Variants in MRC1 observed in about 807,000 individuals in gnomAD.
MRC1 encodes macrophage mannose receptor 1.
Under a neutral mutation model 102.9 loss-of-function variants are expected in MRC1, and 62 were observed. That is an observed-to-expected ratio of 0.60 (90% CI 0.49 to 0.74). The LOEUF is 0.74. MRC1 is among the 30% of genes least tolerant of loss of function. MRC1 has a pLI of 0.00. For synonymous variants in MRC1, 457 were observed against 298.4 expected (o/e 1.53, Z -5.48); for missense variants, 1,237 against 862.8 (o/e 1.43, Z -5.43).
intron 1 of MRC1, among the ~76,000 whole-genome samples, chr10:17,819,318 G>A (rs1838360396): frequency 6.6e-6 from 1 of 152,150 alleles, no homozygotes; most frequent in Non-Finnish European, 1.5e-5. Flanking sequence ...GGGAGATCAG[G>A]TGTTATCTTT....
intron 1 of MRC1, among the ~76,000 whole-genome samples, chr10:17,817,073 C>T (rs1247630447): frequency 6.6e-6 from 1 of 151,924 alleles, no homozygotes; most frequent in African/African-American, 2.4e-5. Context: ...CATGGTGAAA[C>T]CTCATCTCTA....
intron 5 of MRC1, among the ~76,000 whole-genome samples, chr10:17,841,840 C>T (rs923208271): frequency 6.6e-6 from 1 of 151,008 alleles, no homozygotes; most frequent in South Asian, 2.1e-4. Flanking sequence ...CACATCTTAT[C>T]AAATCTCCTA....
chr10:17,877,756 A>T, intron 17 of MRC1, 144 bp from the exon 18 acceptor site: 1 of 713,846 alleles, frequency 1.4e-6, no homozygotes. Context: ...GGAAGAACAT[A>T]ATATAGAATG....
chr10:17,889,373 T>C (rs1274422148), intron 22 of MRC1, among the ~76,000 whole-genome samples: 1 of 152,218 alleles, frequency 6.6e-6, no homozygotes, highest in African/African-American at 2.4e-5. Flanking sequence ...TATGATTTTA[T>C]TTGTTCTCCA....
At chr10:17,837,399 T>G (rs1385361415) in intron 4 of MRC1, among the ~76,000 whole-genome samples, 2 of 152,184 alleles carry the variant, frequency 1.3e-5, no homozygotes, top group African/African-American at 2.4e-5. Context: ...CCCTCCCCAC[T>G]GTTTATTTGA....
rs956946067 is a variant in MRC1 at position 17,826,132 on chromosome 10, C to T, written c.464-1410C>T. Among the ~76,000 whole-genome samples the T allele has an allele frequency of 1.2e-4, 19 of 152,188 alleles. No homozygotes were observed. The East Asian group carries it at 2.9e-3, about 23-fold the overall frequency. ...CTCACATTATTGTGCTCTTACTATG[C>T]GCTACATGTTTTACAAGCTTTATAT... On this transcript the variant is annotated intron_variant, in intron 2 of 29. Coordinates refer to ENST00000569591, the MANE Select transcript of MRC1 (RefSeq NM_002438.4).
intron 24 of MRC1, among the ~76,000 whole-genome samples, chr10:17,899,935 C>T (rs1402166580): frequency 6.6e-6 from 1 of 151,596 alleles, no homozygotes. Flanking sequence ...CCCGTCTCTA[C>T]TAAAAAATAC....
chr10:17,894,185 T>C, intron 22 of MRC1, 25 bp from the exon 23 acceptor site: 1 of 870,512 alleles, frequency 1.1e-6, no homozygotes, highest in East Asian at 2.4e-5. Context: ...GATTGTTTTC[T>C]TTTTCTTTCT....
intron 26 of MRC1, among the ~76,000 whole-genome samples, chr10:17,903,382 C>CTTTTTT (rs1210207060): frequency 1.6e-5 from 2 of 125,048 alleles, no homozygotes; most frequent in Non-Finnish European, 3.3e-5. Context: ...TTTTTCTTTT[C>CTTTTTT]TTTTTTTTTC....
chr10:17,892,754 G>A (rs782207697), intron 22 of MRC1, among the ~76,000 whole-genome samples: 767 of 152,314 alleles, frequency 5.0e-3, no homozygotes, highest in Non-Finnish European at 8.4e-3. Flanking sequence ...GCTCATGCCT[G>A]TAATCCCAGC....
At chr10:17,890,217 A>AT (rs1386141756) in intron 22 of MRC1, among the ~76,000 whole-genome samples, 11 of 150,098 alleles carry the variant, frequency 7.3e-5, no homozygotes, top group South Asian at 2.1e-4. Context: ...TAGAGATAAG[A>AT]TTTTTTTTTT....
chr10:17,826,660 G>C (rs1838480601), intron 2 of MRC1, among the ~76,000 whole-genome samples: 1 of 152,212 alleles, frequency 6.6e-6, no homozygotes, highest in African/African-American at 2.4e-5. Context: ...TATGTGCATT[G>C]TTTGGTTCTT....
intron 1 of MRC1, among the ~76,000 whole-genome samples, chr10:17,811,712 G>T (rs2130566664): frequency 6.6e-6 from 1 of 151,790 alleles, no homozygotes; most frequent in South Asian, 2.1e-4. Context: ...TGGGACTTTG[G>T]GCTTGAGCCA....
At chr10:17,878,921 G>A (rs1289315515) in intron 18 of MRC1, among the ~76,000 whole-genome samples, 1 of 152,142 alleles carries the variant, frequency 6.6e-6, no homozygotes, top group Non-Finnish European at 1.5e-5. Context: ...CAAATTTCAT[G>A]ATCTCATGGC....
At chr10:17,886,680 G>T (rs1833601438) in intron 22 of MRC1, among the ~76,000 whole-genome samples, 1 of 152,132 alleles carries the variant, frequency 6.6e-6, no homozygotes, top group Non-Finnish European at 1.5e-5. Context: ...GGGATTACAG[G>T]CATGAGCCAC....
rs2477664 is a variant in MRC1 at position 17,833,817 on chromosome 10, T to A, written c.780T>A (p.Ile260=). ...CTGAGCTCCTGAGCATCACAGAGAT[T>A]CATGAGCAAACATACCTGACAGGTA... is the stretch of plus-strand genomic sequence containing the variant. The part of the protein sequence containing the change: ...QNAELLSITE[I]HEQTYLTGLT... The change falls in exon 4 of 30, where the codon ATT becomes ATA. Residue 260 remains isoleucine (I), a synonymous_variant. Transcript: ENST00000569591. 385,893 of 780,750 alleles carry A rather than the reference T, an allele frequency of 0.49. 97,037 individuals carry two copies. The highest frequency in any genetic ancestry group is 0.54 in the Non-Finnish European group (224,135 of 418,080). The allele number at this position is 780,750 out of a possible 1,614,324, so 48.4% of individuals were successfully genotyped here. A position where few individuals can be genotyped will look rare whatever the true frequency, so the allele number is the denominator to read the frequency against.
intron 4 of MRC1, among the ~76,000 whole-genome samples, chr10:17,837,058 C>T (rs1440095824): frequency 6.6e-6 from 1 of 152,102 alleles, no homozygotes. Flanking sequence ...AGCGGCTTTG[C>T]CCAAGCACAG....
Position 17,833,768 on chromosome 10 carries a change from G to A in MRC1, c.731G>A (p.Arg244Lys), listed in dbSNP as rs781946128. 9.0e-6 allele frequency: 7 copies of A among 781,078 alleles called. No individual in the cohort carries two copies. In the East Asian group the frequency reaches 1.5e-4, roughly 16 times the overall value. 48.4% of individuals were successfully genotyped at this position (781,078 alleles called of 1,614,324 possible). ...SKSALTWHQA[R>K]KSCQQQNAEL... ...TCCGCTTTAACGTGGCACCAGGCGA[G>A]GAAAAGCTGCCAACAACAGAACGCT... The change falls in exon 4 of 30, where the codon AGG becomes AAG. Residue 244 changes from arginine (R) to lysine (K), a missense_variant. Physicochemically the swap from Arg to Lys is conservative, Grantham distance 26. Coordinates refer to ENST00000569591, the MANE Select transcript of MRC1 (RefSeq NM_002438.4).
At chr10:17,811,263 G>A (rs1838216557) in intron 1 of MRC1, among the ~76,000 whole-genome samples, 2 of 152,138 alleles carry the variant, frequency 1.3e-5, no homozygotes, top group South Asian at 4.1e-4. Context: ...CATTTTAAGT[G>A]TACAATGGTT....
Sources: allele counts gnomAD v4.1 joint callset (sites outside exome capture counted in the v4.1 genomes callset), GRCh38; gene constraint gnomAD v4.1.1; transcripts MANE v1.5; gene names NCBI Gene and HGNC (gene_info 2026-07-23, HGNC 2026-07-21).